EIF3L: variants seen among roughly 807,000 people sequenced by gnomAD.
EIF3L encodes the protein eIEF associated protein HSPC021.
EIF3L carries 32 observed loss-of-function variants against 74.6 expected under a neutral mutation model. The ratio of observed to expected loss-of-function variants is 0.43; its 90% confidence interval spans 0.32 to 0.58. The LOEUF is 0.58. EIF3L is among the 20% of genes least tolerant of loss of function. The pLI, the probability that EIF3L is intolerant of heterozygous loss-of-function variation, is 0.06. For missense variants in EIF3L, 474 were observed against 707.8 expected, an observed-to-expected ratio of 0.67 and a Z score of 3.75; for synonymous variants, 256 against 254.4, an observed-to-expected ratio of 1.01 and a Z score of -0.06.
chr22:37,871,493 A>G (rs1926466245), intron 8 of EIF3L, among the ~76,000 whole-genome samples: 1 of 150,772 alleles, frequency 6.6e-6, no homozygotes, highest in Non-Finnish European at 1.5e-5. Flanking sequence ...AGATTATAAT[A>G]AAGTTACTTT....
intron 5 of EIF3L, among the ~76,000 whole-genome samples, chr22:37,862,766 G>A (rs1250113291): frequency 6.6e-6 from 1 of 152,124 alleles, no homozygotes; most frequent in African/African-American, 2.4e-5. Context: ...TGTTGCTGTA[G>A]AACCTAACCA....
At chr22:37,869,785 A>C (rs2145824242) in intron 7 of EIF3L, among the ~76,000 whole-genome samples, 1 of 152,252 alleles carries the variant, frequency 6.6e-6, no homozygotes, top group Non-Finnish European at 1.5e-5. Flanking sequence ...CCCAGGGCGT[A>C]CCACAGTCTA....
At chr22:37,881,929 G>A (rs1927070930) in intron 11 of EIF3L, 1 of 152,196 alleles carries the variant, frequency 6.6e-6, no homozygotes, top group Admixed American at 6.5e-5. Flanking sequence ...TACTCTGGAA[G>A]GACGAGGCAG....
intron 11 of EIF3L, chr22:37,886,256 ATGAAT>A (rs1366585499): frequency 6.6e-6 from 1 of 151,480 alleles, no homozygotes; most frequent in Non-Finnish European, 1.5e-5. Flanking sequence ...AAAAGTACAA[ATGAAT>A]TGATAAAAAA....
chr22:37,883,388 T>A (rs546298341), intron 11 of EIF3L: 1 of 148,556 alleles, frequency 6.7e-6, no homozygotes, highest in African/African-American at 2.5e-5. Flanking sequence ...AAGACCATCC[T>A]GGCTAACACG....
chr22:37,876,079 C>G, intron 10 of EIF3L, 68 bp downstream of exon 10: 1 of 1,519,990 alleles, frequency 6.6e-7, no homozygotes, highest in Non-Finnish European at 9.0e-7. Context: ...CTATGCCAAC[C>G]ATTCTTGGTA....
Position 37,851,330 on chromosome 22 carries a change from T to C in EIF3L, c.133T>C (p.Tyr45His). ...TGAACGTCAGTATGAACAGCAAACC[T>C]ATCAGGTGATCCCTGAGGTGATCAA... ...AYERQYEQQT[Y>H]QVIPEVIKNF... Residue 45 changes from tyrosine to histidine, a missense_variant, in exon 3 of 13, where the codon TAT becomes CAT. Coordinates refer to ENST00000652021, the MANE Select transcript of EIF3L (RefSeq NM_016091.4). The C allele has an allele frequency of 6.2e-7, 1 of 1,614,208 alleles. No individual in the cohort carries two copies. Among genetic ancestry groups the C allele is most frequent in the East Asian group, 2.2e-5 (1 of 44,884 alleles).
At chr22:37,879,723 CTTCT>C (rs940211242) in intron 11 of EIF3L, 4 of 151,800 alleles carry the variant, frequency 2.6e-5, no homozygotes, top group African/African-American at 9.7e-5. Flanking sequence ...GTCCTGCTGC[CTTCT>C]TTATTTTTTT....
intron 8 of EIF3L, among the ~76,000 whole-genome samples, chr22:37,872,756 A>T (rs1926540495): frequency 6.6e-6 from 1 of 150,636 alleles, no homozygotes; most frequent in African/African-American, 2.4e-5. Context: ...GTAGCTAGGA[A>T]CGCAGGTTTG....
intron 4 of EIF3L, among the ~76,000 whole-genome samples, chr22:37,858,054 T>TA (rs1176079797): frequency 4.0e-5 from 6 of 151,668 alleles, no homozygotes; most frequent in African/African-American, 1.5e-4. Flanking sequence ...CACATGCCTG[T>TA]AGTCCCACCT....
intron 7 of EIF3L, among the ~76,000 whole-genome samples, chr22:37,869,782 C>G (rs1416514914): frequency 2.0e-5 from 3 of 152,094 alleles, no homozygotes; most frequent in African/African-American, 4.8e-5. Flanking sequence ...TAACCCAGGG[C>G]GTACCACAGT....
chr22:37,859,374 C>CTTTTTTTTTTTTTTT lies in EIF3L; in HGVS notation c.435+641_435+655dup, dbSNP rs34020382. Among the ~76,000 whole-genome samples the CTTTTTTTTTTTTTTT allele has an allele frequency of 1.2e-3, 93 of 79,142 alleles. 16 individuals carry two copies. Among genetic ancestry groups the CTTTTTTTTTTTTTTT allele is most frequent in the African/African-American group, 1.7e-3 (30 of 17,628 alleles). The allele number at this position is 79,142 out of a possible 152,430, so 51.9% of individuals were successfully genotyped here. ...CTAAATTATAGAGTACGTGAAGTTT[C>CTTTTTTTTTTTTTTT]TTTTTTTTTTTTTTTTTTTTTGAGA... is the stretch of plus-strand genomic sequence containing the variant. On this transcript the variant is annotated intron_variant, in intron 5 of 12. Coordinates refer to ENST00000652021, the MANE Select transcript of EIF3L (RefSeq NM_016091.4).
Position 37,859,374 on chromosome 22 carries a change from C to CTTT in EIF3L, c.435+653_435+655dup, listed in dbSNP as rs34020382. Among the ~76,000 whole-genome samples, 31 of 79,140 alleles carry CTTT rather than the reference C, an allele frequency of 3.9e-4. 3 individuals are homozygous for CTTT. The highest frequency in any genetic ancestry group is 8.5e-4 in the African/African-American group (15 of 17,626). 51.9% of individuals were successfully genotyped at this position (79,140 alleles called of 152,430 possible). A position where few individuals can be genotyped will look rare whatever the true frequency, so the allele number is the denominator to read the frequency against. Reference sequence around the variant, plus strand: ...CTAAATTATAGAGTACGTGAAGTTTCTTTTTTTTTTTTTTTTTTTTTGAGA... The same window carrying CTTT: ...CTAAATTATAGAGTACGTGAAGTTTCTTTTTTTTTTTTTTTTTTTTTTTTGAGA... On this transcript the variant is annotated intron_variant, in intron 5 of 12. Coordinates refer to ENST00000652021, the MANE Select transcript of EIF3L (RefSeq NM_016091.4).
At chr22:37,856,774 G>T (rs1444818726) in intron 4 of EIF3L, among the ~76,000 whole-genome samples, 9 of 151,626 alleles carry the variant, frequency 5.9e-5, no homozygotes, top group Non-Finnish European at 1.0e-4. Context: ...AACCCGGAAG[G>T]CAGAGGTTGC....
At chr22:37,877,438 A>G (rs2145835079) in intron 10 of EIF3L, 1 of 524,404 alleles carries the variant, frequency 1.9e-6, no homozygotes, top group East Asian at 3.2e-5. Context: ...TGGAGAGACT[A>G]AGACAGAGGT....
intron 7 of EIF3L, among the ~76,000 whole-genome samples, chr22:37,869,386 T>G (rs1926354614): frequency 6.6e-6 from 1 of 151,976 alleles, no homozygotes; most frequent in South Asian, 2.1e-4. Flanking sequence ...CCACCTCAGT[T>G]TCCCAAAGTG....
At chr22:37,864,864 A>G (rs1319616881) in intron 7 of EIF3L, among the ~76,000 whole-genome samples, 2 of 152,110 alleles carry the variant, frequency 1.3e-5, no homozygotes, top group Admixed American at 1.3e-4. Flanking sequence ...AAATGGTAAC[A>G]TGTTCTGTTG....
intron 4 of EIF3L, among the ~76,000 whole-genome samples, chr22:37,856,830 G>A (rs1925539286): frequency 6.7e-6 from 1 of 149,620 alleles, no homozygotes; most frequent in South Asian, 2.1e-4. Context: ...GGCAACAAGA[G>A]CGAAACTCCG....
At chr22:37,858,638 G>C (rs1248972411) in intron 4 of EIF3L, 41 bp from the exon 5 acceptor site, 1 of 1,589,848 alleles carries the variant, frequency 6.3e-7, no homozygotes, top group Non-Finnish European at 8.6e-7. Context: ...GGATACCCCA[G>C]TTTTATGGTT....
Sources: allele counts gnomAD v4.1 joint callset (sites outside exome capture counted in the v4.1 genomes callset), GRCh38; gene constraint gnomAD v4.1.1; transcripts MANE v1.5; gene names NCBI Gene and HGNC (gene_info 2026-07-23, HGNC 2026-07-21).